DNAH6: variants seen among roughly 807,000 people sequenced by gnomAD.
DNAH6 encodes the protein axonemal beta dynein heavy chain 6.
DNAH6 carries 340 observed loss-of-function variants against 491.4 expected under a neutral mutation model. The ratio of observed to expected loss-of-function variants is 0.69; its 90% CI spans 0.63 to 0.76. DNAH6 has a LOEUF of 0.76. DNAH6 is among the 30% of genes least tolerant of loss of function. DNAH6 has a pLI of 0.00. For synonymous variants in DNAH6, 1,603 were observed against 1,686.1 expected, an observed-to-expected ratio of 0.95 and a Z score of 1.21; for missense variants, 4,443 against 4,972.2, an observed-to-expected ratio of 0.89 and a Z score of 3.20.
Position 84,751,464 on chromosome 2 carries a change from A to T in DNAH6, c.10512+6215A>T, listed in dbSNP as rs556928209. On this transcript the variant is annotated intron_variant, in intron 63 of 76. Transcript: ENST00000389394. The stretch of plus-strand genomic sequence containing the variant: ...TTTACACAAAAACCAAGCCTTCTTC[A>T]TAAATAGTGTGTTTAGACCTAAAGA... 1.1e-3 allele frequency among the ~76,000 whole-genome samples: 164 copies of T among 152,344 alleles called. 5 individuals are homozygous for T. The highest frequency in any genetic ancestry group is 9.3e-3 in the South Asian group (45 of 4,830).
chr2:84,553,185 T>C (rs1419885890), intron 10 of DNAH6, 151 bp downstream of exon 10: 1 of 620,604 alleles, frequency 1.6e-6, no homozygotes, highest in African/African-American at 1.8e-5. Flanking sequence ...CACAGCATTA[T>C]AGCTATATAT....
At chr2:84,797,054 C>G (rs1466389795) in intron 69 of DNAH6, among the ~76,000 whole-genome samples, 1 of 141,252 alleles carries the variant, frequency 7.1e-6, no homozygotes, top group Non-Finnish European at 1.5e-5. Context: ...GAGCATCAGT[C>G]AGAGCTGGAT....
intron 62 of DNAH6, among the ~76,000 whole-genome samples, chr2:84,737,687 TA>T (rs1699633163): frequency 6.6e-6 from 1 of 152,024 alleles, no homozygotes; most frequent in South Asian, 2.1e-4. Context: ...TCACTTTTGT[TA>T]TTTCTGATTA....
chr2:84,632,900 C>G (rs1329322261), intron 29 of DNAH6, among the ~76,000 whole-genome samples: 1 of 152,130 alleles, frequency 6.6e-6, no homozygotes, highest in Admixed American at 6.5e-5. Context: ...TCCAAAGTTG[C>G]CCGTTAGTTT....
chr2:84,547,213 T>A (rs372206908), intron 5 of DNAH6, 55 bp from the exon 6 acceptor site: 1 of 1,410,514 alleles, frequency 7.1e-7, no homozygotes, highest in Non-Finnish European at 9.6e-7. Context: ...GAATGTTCTA[T>A]ACTTTTAAAA....
chr2:84,663,444 A>T (rs572992991), intron 37 of DNAH6, among the ~76,000 whole-genome samples: 1 of 152,322 alleles, frequency 6.6e-6, no homozygotes, highest in South Asian at 2.1e-4. Flanking sequence ...GAACTACGTG[A>T]CACATGCACA....
intron 11 of DNAH6, among the ~76,000 whole-genome samples, chr2:84,567,482 A>T (rs1489835562): frequency 5.3e-5 from 8 of 152,044 alleles, no homozygotes; most frequent in Admixed American, 4.6e-4. Context: ...CAAAATAGAG[A>T]TCTCAGAAAT....
At chr2:84,537,855 G>C (rs1677845279) in intron 4 of DNAH6, among the ~76,000 whole-genome samples, 1 of 152,000 alleles carries the variant, frequency 6.6e-6, no homozygotes, top group African/African-American at 2.4e-5. Context: ...TGCTCACACT[G>C]ATAAGGAACT....
chr2:84,548,202 T>C, intron 7 of DNAH6, 86 bp from the exon 8 acceptor site: 1 of 1,401,182 alleles, frequency 7.1e-7, no homozygotes, highest in East Asian at 2.5e-5. Flanking sequence ...GTTTTTGAAT[T>C]TTGTTTATCT....
chr2:84,699,601 A>T lies in DNAH6; in HGVS notation c.7685A>T (p.Gln2562Leu), dbSNP rs770741559. 1 of 1,548,718 alleles carries T rather than the reference A, an allele frequency of 6.5e-7. No individual in the cohort carries two copies. The highest frequency in any genetic ancestry group is 1.2e-5 in the South Asian group (1 of 82,986). Residue 2562 changes from glutamine (Q) to leucine (L), a missense_variant, in exon 48 of 77, where the codon CAA becomes CTA. Gln to Leu is a moderately radical substitution (Grantham distance 113, BLOSUM62 -2). Coordinates refer to ENST00000389394, the MANE Select transcript of DNAH6 (RefSeq NM_001370.2). ...ISEGNRDEVF[Q>L]YFISKVRQKL... ...TAACTTTCTTTTTGTCAGGTGTTTC[A>T]ATACTTTATCAGCAAAGTGCGTCAG...
rs375086278 is a variant in DNAH6, at chr2:84,704,268, G to A, written c.8431G>A (p.Val2811Ile). 92 of 1,551,576 alleles carry A rather than the reference G, an allele frequency of 5.9e-5. No homozygotes were observed. Among genetic ancestry groups the A allele is most frequent in the Non-Finnish European group, 7.6e-5 (87 of 1,146,968 alleles). The change falls in exon 51 of 77, where the codon GTA (valine) becomes ATA (isoleucine). Residue 2811 changes from valine (V) to isoleucine (I), a missense_variant. Physicochemically the swap from Val to Ile is conservative, Grantham distance 29. Coordinates refer to ENST00000389394, the MANE Select transcript of DNAH6 (RefSeq NM_001370.2). ...AAAGCCCCCAGATTTGGTCATGACA[G>A]TAATGGAAGCAATCTCCATTCTTTT... ...FTKPPDLVMT[V>I]MEAISILLNA... is the part of the protein sequence containing the mutation.
At chr2:84,546,679 A>G (rs1403728756) in intron 5 of DNAH6, among the ~76,000 whole-genome samples, 1 of 152,162 alleles carries the variant, frequency 6.6e-6, no homozygotes, top group African/African-American at 2.4e-5. Flanking sequence ...CTTTTTATCT[A>G]TTATGAATAA....
intron 43 of DNAH6, among the ~76,000 whole-genome samples, chr2:84,686,111 C>G (rs1694231132): frequency 6.6e-6 from 1 of 151,724 alleles, no homozygotes; most frequent in Admixed American, 6.6e-5. Flanking sequence ...TCATGTGAAC[C>G]CAGGAGGCGG....
chr2:84,728,090 T>C (rs1185700506), intron 61 of DNAH6, among the ~76,000 whole-genome samples, 188 bp downstream of exon 61: 2 of 152,224 alleles, frequency 1.3e-5, no homozygotes, highest in African/African-American at 2.4e-5. Context: ...TGAGACCTGA[T>C]GGTTTTATAA....
At chr2:84,574,696 C>A (rs964535345) in intron 12 of DNAH6, among the ~76,000 whole-genome samples, 1 of 152,080 alleles carries the variant, frequency 6.6e-6, no homozygotes, top group African/African-American at 2.4e-5. Flanking sequence ...AGAAGCATAC[C>A]GACAGGGACG....
chr2:84,570,263 TC>T (rs1310887762), intron 11 of DNAH6, among the ~76,000 whole-genome samples: 3 of 152,204 alleles, frequency 2.0e-5, no homozygotes, highest in Non-Finnish European at 4.4e-5. Context: ...CAGCTGGACT[TC>T]CTGGGTTGAG....
At chr2:84,675,944 A>G (rs112190247) in intron 40 of DNAH6, among the ~76,000 whole-genome samples, 3 of 152,246 alleles carry the variant, frequency 2.0e-5, no homozygotes, top group Admixed American at 1.3e-4. Context: ...ATTTTTAAGA[A>G]CATTGATTTA....
intron 63 of DNAH6, among the ~76,000 whole-genome samples, chr2:84,760,684 G>A (rs899100039): frequency 4.6e-5 from 7 of 152,060 alleles, no homozygotes; most frequent in African/African-American, 1.7e-4. Flanking sequence ...CAGAGAAAAG[G>A]GAATACACAT....
chr2:84,537,672 AAGT>A (rs926254131), intron 4 of DNAH6, among the ~76,000 whole-genome samples: 17 of 152,040 alleles, frequency 1.1e-4, no homozygotes, highest in Non-Finnish European at 1.8e-4. Context: ...GGCAATTTTT[AAGT>A]ATTCCTTTTT....
Sources: allele counts gnomAD v4.1 joint callset (sites outside exome capture counted in the v4.1 genomes callset), GRCh38; gene constraint gnomAD v4.1.1; transcripts MANE v1.5; gene names NCBI Gene and HGNC (gene_info 2026-07-23, HGNC 2026-07-21).